The following FAM81A variants were observed in gnomAD, a reference collection of about 807,000 sequenced individuals.
The protein encoded by FAM81A is protein FAM81A.
In FAM81A, 19 loss-of-function variants were observed where a neutral mutation model predicts 46.7. The observed-to-expected ratio is 0.41, with a 90% CI of 0.28 to 0.60. FAM81A has a LOEUF of 0.60. Ranked by LOEUF, FAM81A falls within the 20% of genes least tolerant of loss-of-function variation. FAM81A has a pLI of 0.34. For missense variants in FAM81A, 377 were observed against 453.5 expected, an observed-to-expected ratio of 0.83 and a Z score of 1.53; for synonymous variants, 183 against 152.9, an observed-to-expected ratio of 1.20 and a Z score of -1.45.
chr15:59,421,103 T>C (rs1041493450), intron 2 of FAM81A, among the ~76,000 whole-genome samples: 18 of 152,234 alleles, frequency 1.2e-4, no homozygotes, highest in Non-Finnish European at 2.1e-4. Flanking sequence ...TAAATGTGCA[T>C]ACGAATCAGC....
chr15:59,510,572 G>A (rs1482299348), intron 6 of FAM81A, among the ~76,000 whole-genome samples: 1 of 151,804 alleles, frequency 6.6e-6, no homozygotes, highest in Non-Finnish European at 1.5e-5. Flanking sequence ...GATACTGAGA[G>A]TCTGATTGTC....
At chr15:59,425,434 GA>G (rs1302967562) in intron 2 of FAM81A, among the ~76,000 whole-genome samples, 6 of 152,186 alleles carry the variant, frequency 3.9e-5, no homozygotes, top group Middle Eastern at 3.4e-3. Flanking sequence ...CTGAGTTATG[GA>G]AAAAGGCCCC....
chr15:59,428,297 A>G (rs1161746423), intron 2 of FAM81A, among the ~76,000 whole-genome samples: 1 of 152,036 alleles, frequency 6.6e-6, no homozygotes, highest in East Asian at 1.9e-4. Context: ...ACATATTGTG[A>G]TTATTAATTC....
chr15:59,484,974 G>A (rs1323407097), intron 3 of FAM81A, among the ~76,000 whole-genome samples: 1 of 152,212 alleles, frequency 6.6e-6, no homozygotes, highest in Non-Finnish European at 1.5e-5. Context: ...GTGAACAATG[G>A]CAGTAGCATG....
intron 3 of FAM81A, among the ~76,000 whole-genome samples, chr15:59,481,077 C>G (rs2141713406): frequency 6.6e-6 from 1 of 152,196 alleles, no homozygotes; most frequent in East Asian, 1.9e-4. Flanking sequence ...TCACTGCAGC[C>G]TCTGCCTCCC....
At chr15:59,491,527 C>T (rs1273817364) in intron 3 of FAM81A, among the ~76,000 whole-genome samples, 1 of 151,540 alleles carries the variant, frequency 6.6e-6, no homozygotes, top group African/African-American at 2.4e-5. Flanking sequence ...TGACTGTAGT[C>T]AATAATAATT....
chr15:59,398,815 GC>G (rs2081058259), intron 1 of FAM81A, among the ~76,000 whole-genome samples: 1 of 142,034 alleles, frequency 7.0e-6, no homozygotes, highest in Admixed American at 7.3e-5. Context: ...TCTTTCTAGT[GC>G]AAAACTTCAC....
intron 1 of FAM81A, among the ~76,000 whole-genome samples, chr15:59,450,156 C>T (rs564595064): frequency 6.8e-6 from 1 of 147,926 alleles, no homozygotes; most frequent in African/African-American, 2.5e-5. Context: ...CAGGCCCAGT[C>T]CTGGGTTCAA....
intron 3 of FAM81A, among the ~76,000 whole-genome samples, chr15:59,461,331 T>C (rs887143957): frequency 2.8e-4 from 43 of 152,174 alleles, no homozygotes; most frequent in African/African-American, 1.0e-3. Context: ...TGTTTGTTTG[T>C]TTTGAATGCA....
At chr15:59,449,544 G>A (rs1264827566) in intron 1 of FAM81A, among the ~76,000 whole-genome samples, 2 of 152,120 alleles carry the variant, frequency 1.3e-5, no homozygotes, top group Non-Finnish European at 2.9e-5. Flanking sequence ...CACTTTGGGA[G>A]GCCAAGGCGG....
chr15:59,467,793 C>G (rs550396266), intron 3 of FAM81A, among the ~76,000 whole-genome samples: 69 of 152,312 alleles, frequency 4.5e-4, no homozygotes, highest in African/African-American at 1.2e-3. Context: ...TGCCGGTTTT[C>G]AAAGGAAATC....
At chr15:59,407,741 GA>G in intron 2 of FAM81A, 3 of 207,502 alleles carry the variant, frequency 1.4e-5, no homozygotes, top group Non-Finnish European at 2.9e-5. Flanking sequence ...ACTCCTGCTC[GA>G]AAAACAGGTG....
intron 8 of FAM81A, among the ~76,000 whole-genome samples, chr15:59,518,943 CTGTGTGTGTGTGTGTGTGTGTG>C (rs34494392): frequency 7.0e-6 from 1 of 143,058 alleles, no homozygotes; most frequent in Non-Finnish European, 1.5e-5. Flanking sequence ...GTGTGTGTGT[CTGTGTGTGTGTGTGTGTGTGTG>C]TGTGTGTGTG....
rs2081073293 is a variant in FAM81A, at chr15:59,402,018, A to G, written c.-160-258A>G. The G allele has an allele frequency of 4.9e-6, 3 of 607,836 alleles. No individual in the cohort carries two copies. In the Admixed American group the frequency reaches 8.3e-5, roughly 17 times the overall value. The allele number at this position is 607,836 out of a possible 1,614,324, so 37.7% of individuals were successfully genotyped here. A position where few individuals can be genotyped will look rare whatever the true frequency, so the allele number is the denominator to read the frequency against. On this transcript the variant is annotated intron_variant, in intron 1 of 4. Transcript: ENST00000558348. ...GTTCTGTGGCATGTTGACGCCGCAG[A>G]GCTGCCAGGAGCAGCCCCTGGGGTG...
At chr15:59,493,472 A>G (rs1236112233) in intron 4 of FAM81A, among the ~76,000 whole-genome samples, 1 of 152,118 alleles carries the variant, frequency 6.6e-6, no homozygotes, top group East Asian at 1.9e-4. Context: ...CTACCCTTGC[A>G]CTGTACCTTT....
At chr15:59,404,751 C>T (rs2081086944) in intron 2 of FAM81A, among the ~76,000 whole-genome samples, 1 of 152,222 alleles carries the variant, frequency 6.6e-6, no homozygotes. Context: ...GCCACCATGC[C>T]CAGCTCATAT....
chr15:59,462,324 CT>C (rs2081562589), intron 3 of FAM81A, among the ~76,000 whole-genome samples: 2 of 151,852 alleles, frequency 1.3e-5, no homozygotes, highest in Admixed American at 6.6e-5. Context: ...TTGGCATTAT[CT>C]TTTTTTATTA....
chr15:59,402,410 AC>A (rs1345181963), intron 2 of FAM81A: 1 of 152,526 alleles, frequency 6.6e-6, no homozygotes, highest in African/African-American at 2.4e-5. Flanking sequence ...TGCCTCCCAC[AC>A]CCCAACGTTT....
At chr15:59,491,837 A>G (rs1347859822) in intron 3 of FAM81A, among the ~76,000 whole-genome samples, 3 of 152,130 alleles carry the variant, frequency 2.0e-5, no homozygotes, top group Non-Finnish European at 4.4e-5. Flanking sequence ...GTGATGGCAC[A>G]TGCCTGTAAT....
Sources: allele counts gnomAD v4.1 joint callset (sites outside exome capture counted in the v4.1 genomes callset), GRCh38; gene constraint gnomAD v4.1.1; transcripts MANE v1.5; gene names NCBI Gene and HGNC (gene_info 2026-07-23, HGNC 2026-07-21).